CYP2C18: variants seen among roughly 807,000 people sequenced by gnomAD.
CYP2C18 encodes the protein cytochrome P450 2C18.
CYP2C18 carries 38 observed loss-of-function variants against 41.3 expected under a neutral mutation model. The observed-to-expected ratio is 0.92, with a 90% confidence interval of 0.71 to 1.21. The LOEUF is 1.21. CYP2C18 is among the 50% of genes most tolerant of loss of function. The pLI is 0.00. For synonymous variants in CYP2C18, 236 were observed against 210.0 expected (o/e 1.12, Z -1.07); for missense variants, 635 against 591.4 (o/e 1.07, Z -0.77).
chr10:94,693,712 G>A (rs1847058728), intron 3 of CYP2C18, among the ~76,000 whole-genome samples: 1 of 152,138 alleles, frequency 6.6e-6, no homozygotes, highest in Admixed American at 6.5e-5. Context: ...AAAGAAGCCT[G>A]GCATAGGAGC....
In CYP2C18 at chr10:94,735,492, C is replaced by T. The variant is rs757457974; in HGVS notation, c.*48C>T. 1.9e-6 allele frequency: 3 copies of T among 1,588,624 alleles called. No homozygotes were observed. Among genetic ancestry groups the T allele is most frequent in the Non-Finnish European group, 2.6e-6 (3 of 1,158,030 alleles). On this transcript the variant is annotated 3_prime_UTR_variant, in exon 9 of 9. Transcript: ENST00000285979. ...CTCCTGTGCTGTCACCTGCAATTCTCCCTTATCAGGGCCATTGGCCTCTCC... is the reference window on the plus strand; with the variant it reads ...CTCCTGTGCTGTCACCTGCAATTCTTCCTTATCAGGGCCATTGGCCTCTCC...
chr10:94,717,908 C>A (rs760979186), intron 5 of CYP2C18, among the ~76,000 whole-genome samples: 3 of 151,916 alleles, frequency 2.0e-5, no homozygotes, highest in Non-Finnish European at 4.4e-5. Context: ...TTTCTTCTTT[C>A]TGCTAATTAT....
Position 94,706,855 on chromosome 10 carries a change from T to C in CYP2C18, c.714T>C (p.Ala238=). 1 of 1,610,360 alleles carries C rather than the reference T, an allele frequency of 6.2e-7. No individual in the cohort carries two copies. The highest frequency in any genetic ancestry group is 8.5e-7 in the Non-Finnish European group (1 of 1,177,012). ...ATAATAAAATAGCTGAAAATTTTGCTTACATTAAAAGTTATGTATTGGAGA... is the reference window on the plus strand; with the variant it reads ...ATAATAAAATAGCTGAAAATTTTGCCTACATTAAAAGTTATGTATTGGAGA... ...GSHNKIAENF[A]YIKSYVLERI... Residue 238 remains alanine (A), a synonymous_variant, in exon 5 of 9, where the codon GCT becomes GCC. Coordinates refer to ENST00000285979, the MANE Select transcript of CYP2C18 (RefSeq NM_000772.3).
chr10:94,723,878 T>C (rs959201367), intron 6 of CYP2C18, among the ~76,000 whole-genome samples: 6 of 151,946 alleles, frequency 3.9e-5, no homozygotes, highest in African/African-American at 1.4e-4. Flanking sequence ...CTTTGTGGAG[T>C]GTGAGGATGA....
chr10:94,689,510 A>G (rs1589791476), intron 3 of CYP2C18, among the ~76,000 whole-genome samples: 1 of 152,164 alleles, frequency 6.6e-6, no homozygotes, highest in East Asian at 1.9e-4. Context: ...CCAGAGTCCC[A>G]TCCACCTTCT....
intron 5 of CYP2C18, among the ~76,000 whole-genome samples, chr10:94,709,347 C>T (rs1271845462): frequency 6.6e-6 from 1 of 152,114 alleles, no homozygotes; most frequent in Non-Finnish European, 1.5e-5. Flanking sequence ...GTTTGGTTTG[C>T]ATTTTCCTGA....
At chr10:94,700,970 C>T (rs1847229742) in intron 4 of CYP2C18, among the ~76,000 whole-genome samples, 1 of 152,164 alleles carries the variant, frequency 6.6e-6, no homozygotes, top group African/African-American at 2.4e-5. Flanking sequence ...CAGGAAACAA[C>T]AGGTGCTGGA....
intron 5 of CYP2C18, among the ~76,000 whole-genome samples, chr10:94,711,736 A>G (rs926447933): frequency 1.3e-5 from 2 of 152,012 alleles, no homozygotes; most frequent in African/African-American, 4.8e-5. Context: ...TCCTTATACA[A>G]TGTAAATGCC....
intron 3 of CYP2C18, among the ~76,000 whole-genome samples, chr10:94,691,423 A>G (rs1314667068): frequency 6.6e-6 from 1 of 152,210 alleles, no homozygotes; most frequent in East Asian, 1.9e-4. Flanking sequence ...CCCATTCACA[A>G]TTGCTTCAAA....
At chr10:94,701,564 C>G (rs892793526) in intron 4 of CYP2C18, among the ~76,000 whole-genome samples, 11 of 152,176 alleles carry the variant, frequency 7.2e-5, no homozygotes, top group Non-Finnish European at 1.0e-4. Flanking sequence ...CACATGTATA[C>G]ATATGTAACA....
chr10:94,706,923 G>C lies in CYP2C18; in HGVS notation c.782G>C (p.Arg261Pro), dbSNP rs756768474. 6.2e-7 allele frequency: 1 copy of C among 1,610,308 alleles called. No individual in the cohort carries two copies. The highest frequency in any genetic ancestry group is 1.3e-5 in the African/African-American group (1 of 74,800). Reference sequence around the variant, plus strand: ...GAATCCCTGGACATGAACAGTGCTCGGGACTTTATTGATTGTTTCCTGATC... The same window carrying C: ...GAATCCCTGGACATGAACAGTGCTCCGGACTTTATTGATTGTTTCCTGATC... ...HQESLDMNSA[R>P]DFIDCFLIKM... Residue 261 changes from arginine to proline, a missense_variant, in exon 5 of 9, where the codon CGG becomes CCG. Transcript: ENST00000285979.
chr10:94,711,005 T>G (rs1170286162), intron 5 of CYP2C18, among the ~76,000 whole-genome samples: 2 of 152,206 alleles, frequency 1.3e-5, no homozygotes, highest in Admixed American at 1.3e-4. Context: ...CAGCCTTAGT[T>G]GCCTTGTGAA....
intron 7 of CYP2C18, among the ~76,000 whole-genome samples, chr10:94,726,900 G>A (rs1183933818): frequency 6.6e-6 from 1 of 152,124 alleles, no homozygotes; most frequent in Non-Finnish European, 1.5e-5. Context: ...GAGGAAAAAG[G>A]ATTGGAGTTT....
intron 5 of CYP2C18, among the ~76,000 whole-genome samples, chr10:94,712,662 C>T (rs937930000): frequency 3.3e-5 from 5 of 152,142 alleles, no homozygotes; most frequent in Admixed American, 6.6e-5. Flanking sequence ...GGAGTGCAGA[C>T]ATTGCTTTGA....
At chr10:94,685,135 G>A (rs1846862250) in intron 1 of CYP2C18, among the ~76,000 whole-genome samples, 1 of 151,968 alleles carries the variant, frequency 6.6e-6, no homozygotes, top group Non-Finnish European at 1.5e-5. Context: ...CTGGGCTCAA[G>A]CCATCCTTCT....
intron 5 of CYP2C18, among the ~76,000 whole-genome samples, chr10:94,716,532 T>C (rs111527282): frequency 0.025 from 3,847 of 152,306 alleles, 148 homozygotes; most frequent in African/African-American, 0.075. Flanking sequence ...TTGATTGTAC[T>C]GTGGTCTGAG....
Position 94,724,383 on chromosome 10 carries a change from A to G in CYP2C18, c.999A>G (p.Arg333=). The change falls in exon 7 of 9, where the codon AGA becomes AGG. Residue 333 remains arginine, a synonymous_variant. Transcript: ENST00000285979. The part of the protein sequence containing the change: ...VQEEIECVVG[R]NRSPCMQDRS... The stretch of plus-strand genomic sequence containing the variant: ...AAGAGATTGAATGTGTAGTTGGCAG[A>G]AACCGGAGCCCCTGTATGCAGGACA... 1 of 1,613,568 alleles carries G rather than the reference A, an allele frequency of 6.2e-7. No individual in the cohort carries two copies.
At chr10:94,710,524 T>C (rs1847417129) in intron 5 of CYP2C18, among the ~76,000 whole-genome samples, 1 of 152,236 alleles carries the variant, frequency 6.6e-6, no homozygotes, top group Non-Finnish European at 1.5e-5. Context: ...GGGATGTCTT[T>C]CCATTTATTT....
chr10:94,707,806 G>A (rs1244250533), intron 5 of CYP2C18, among the ~76,000 whole-genome samples: 1 of 152,136 alleles, frequency 6.6e-6, no homozygotes, highest in African/African-American at 2.4e-5. Context: ...TCAGATAGGA[G>A]CCAAATGATA....
Sources: gnomAD v4.1 joint callset for allele counts (sites outside exome capture counted in the v4.1 genomes callset) on GRCh38, gnomAD v4.1.1 for gene constraint, MANE v1.5 for transcripts, NCBI Gene and HGNC (gene_info 2026-07-23, HGNC 2026-07-21) for gene names.